The following DPP10 variants were observed in gnomAD, a reference collection of about 807,000 sequenced individuals.
DPP10 encodes inactive dipeptidyl peptidase 10.
In DPP10, 33 loss-of-function variants were observed where a neutral mutation model predicts 120.9. The observed-to-expected ratio is 0.27, with a 90% CI of 0.21 to 0.37. The LOEUF (loss-of-function observed/expected upper bound fraction) is 0.37. DPP10 is among the 10% of genes least tolerant of loss of function. DPP10 has a pLI of 1.00. For synonymous variants in DPP10, 337 were observed against 326.1 expected (o/e 1.03, Z -0.36); for missense variants, 816 against 942.8 (o/e 0.87, Z 1.76).
At chr2:115,536,084 AT>A (rs2078814750) in intron 5 of DPP10, among the ~76,000 whole-genome samples, 1 of 152,058 alleles carries the variant, frequency 6.6e-6, no homozygotes, top group Non-Finnish European at 1.5e-5. Context: ...TTGAAATAAT[AT>A]AACTGTATTA....
intron 1 of DPP10, among the ~76,000 whole-genome samples, chr2:114,938,603 T>A (rs1387349709): frequency 6.6e-6 from 1 of 152,140 alleles, no homozygotes; most frequent in Admixed American, 6.5e-5. Flanking sequence ...TATATTTTAA[T>A]TGGCTAATTT....
At chr2:115,446,141 C>T (rs2072566164) in intron 3 of DPP10, among the ~76,000 whole-genome samples, 1 of 152,186 alleles carries the variant, frequency 6.6e-6, no homozygotes, top group East Asian at 1.9e-4. Flanking sequence ...AAGCGCCAAG[C>T]CTTGGTGGCT....
At chr2:115,571,161 A>G (rs1277033956) in intron 5 of DPP10, among the ~76,000 whole-genome samples, 1 of 152,234 alleles carries the variant, frequency 6.6e-6, no homozygotes, top group Non-Finnish European at 1.5e-5. Context: ...ATTAAGTATG[A>G]GTCAACACAA....
chr2:115,835,995 C>T (rs998039536), intron 21 of DPP10, among the ~76,000 whole-genome samples, 162 bp from the exon 22 acceptor site: 14 of 151,726 alleles, frequency 9.2e-5, no homozygotes, highest in African/African-American at 3.1e-4. Context: ...TGGCTTTTTT[C>T]CCCCAAGCCT....
intron 1 of DPP10, among the ~76,000 whole-genome samples, chr2:115,033,496 C>T (rs1425849887): frequency 6.6e-6 from 1 of 152,136 alleles, no homozygotes; most frequent in Non-Finnish European, 1.5e-5. Context: ...CCAACTCCTT[C>T]CTCTGTGCCA....
chr2:115,674,401 G>A (rs1249975734), intron 5 of DPP10, among the ~76,000 whole-genome samples: 1 of 150,120 alleles, frequency 6.7e-6, no homozygotes, highest in Admixed American at 6.6e-5. Context: ...TTTTTTTTAA[G>A]ATTTTTTTCT....
At chr2:115,644,408 C>T (rs1011607435) in intron 5 of DPP10, among the ~76,000 whole-genome samples, 4 of 151,906 alleles carry the variant, frequency 2.6e-5, no homozygotes, top group South Asian at 2.1e-4. Flanking sequence ...TGAGAACATG[C>T]GGTGTTTGGT....
intron 1 of DPP10, among the ~76,000 whole-genome samples, chr2:114,530,607 AC>A (rs1185718698): frequency 2.0e-5 from 3 of 152,144 alleles, no homozygotes; most frequent in Admixed American, 2.0e-4. Flanking sequence ...ACCTCAGAGC[AC>A]AAGCCAATAA....
At chr2:114,832,136 T>A (rs947117494) in intron 1 of DPP10, among the ~76,000 whole-genome samples, 1 of 152,302 alleles carries the variant, frequency 6.6e-6, no homozygotes. Flanking sequence ...TCATAAAATA[T>A]CTTGAAATAA....
chr2:115,780,394 C>A (rs1391848626), intron 15 of DPP10, among the ~76,000 whole-genome samples: 4 of 151,724 alleles, frequency 2.6e-5, no homozygotes, highest in Non-Finnish European at 4.4e-5. Flanking sequence ...GGCACTGATA[C>A]CAAATTCTAA....
chr2:115,650,601 C>G (rs1338577891), intron 5 of DPP10, among the ~76,000 whole-genome samples: 1 of 151,992 alleles, frequency 6.6e-6, no homozygotes, highest in Non-Finnish European at 1.5e-5. Flanking sequence ...CTAAGAAAGA[C>G]TGTTATTGTT....
intron 2 of DPP10, among the ~76,000 whole-genome samples, chr2:115,322,625 T>C (rs972252427): frequency 5.9e-5 from 9 of 152,218 alleles, no homozygotes; most frequent in African/African-American, 2.2e-4. Context: ...CTTTCTACTT[T>C]ATTATATGAT....
intron 1 of DPP10, among the ~76,000 whole-genome samples, chr2:114,616,205 T>C (rs1210504214): frequency 6.6e-6 from 1 of 152,146 alleles, no homozygotes; most frequent in African/African-American, 2.4e-5. Context: ...ACATGAATTG[T>C]CTTTACCACT....
chr2:115,071,589 C>T (rs1707371454), intron 1 of DPP10, among the ~76,000 whole-genome samples: 1 of 152,084 alleles, frequency 6.6e-6, no homozygotes, highest in African/African-American at 2.4e-5. Flanking sequence ...GTTTCTGTTC[C>T]TTCCTTGCCT....
At chr2:114,598,130 G>T (rs17715426) in intron 1 of DPP10, among the ~76,000 whole-genome samples, 1 of 151,900 alleles carries the variant, frequency 6.6e-6, no homozygotes, top group African/African-American at 2.4e-5. Context: ...GAAAAGGGTG[G>T]CAGGAAAGCA....
At chr2:115,378,475 A>T (rs1441924069) in intron 3 of DPP10, among the ~76,000 whole-genome samples, 2 of 151,806 alleles carry the variant, frequency 1.3e-5, no homozygotes, top group Non-Finnish European at 2.9e-5. Context: ...GGTTTTCTAG[A>T]TATAGAATCA....
At chr2:114,972,445 T>C (rs191001892) in intron 1 of DPP10, among the ~76,000 whole-genome samples, 1 of 152,224 alleles carries the variant, frequency 6.6e-6, no homozygotes. Flanking sequence ...GACTCATAGA[T>C]GAATGTGTCA....
At chr2:115,575,164 C>G (rs929956759) in intron 5 of DPP10, among the ~76,000 whole-genome samples, 1 of 152,164 alleles carries the variant, frequency 6.6e-6, no homozygotes, top group East Asian at 1.9e-4. Context: ...ACATGAAAGG[C>G]TGAGCAGCTG....
chr2:114,797,122 G>A (rs965986682), intron 1 of DPP10, among the ~76,000 whole-genome samples: 6 of 152,182 alleles, frequency 3.9e-5, no homozygotes, highest in Admixed American at 3.9e-4. Flanking sequence ...ACAGAACCCA[G>A]AGCTTTCCCT....
Sources: gnomAD v4.1 joint callset for allele counts (sites outside exome capture counted in the v4.1 genomes callset) on GRCh38, gnomAD v4.1.1 for gene constraint, MANE v1.5 for transcripts, NCBI Gene and HGNC (gene_info 2026-07-23, HGNC 2026-07-21) for gene names.